Variants in ABI1 observed in about 807,000 individuals in gnomAD.
ABI1 encodes abl interactor 1.
A neutral mutation model predicts 54.6 loss-of-function variants in ABI1; 14 were observed. The observed-to-expected ratio is 0.26, with a 90% confidence interval of 0.17 to 0.40. The LOEUF (loss-of-function observed/expected upper bound fraction) is 0.40, where lower values mean the gene tolerates loss of function less well. Among genes scored for constraint, ABI1 ranks in the 10% least tolerant of loss-of-function variants. ABI1 has a pLI of 1.00. For synonymous variants in ABI1, 194 were observed against 209.3 expected (o/e 0.93, Z 0.63); for missense variants, 443 against 598.3 (o/e 0.74, Z 2.71).
In ABI1 at chr10:26,794,293, G is replaced by A. The variant is rs185929138; in HGVS notation, c.286-17052C>T. On this transcript the variant is annotated intron_variant, in intron 2 of 10. Transcript: ENST00000376140. Reference sequence around the variant, plus strand: ...ACATTAGCCAGGCATGGTGGCTCACGCCTGTAGTTCCAGCTACACAGGAGG... The same window carrying A: ...ACATTAGCCAGGCATGGTGGCTCACACCTGTAGTTCCAGCTACACAGGAGG... Among the ~76,000 whole-genome samples, 12 of 152,098 alleles carry A rather than the reference G, an allele frequency of 7.9e-5. No individual in the cohort carries two copies. In the East Asian group the frequency reaches 1.7e-3, roughly 22 times the overall value.
chr10:26,783,449 T>C (rs1842381103), intron 2 of ABI1, among the ~76,000 whole-genome samples: 1 of 152,234 alleles, frequency 6.6e-6, no homozygotes, highest in Admixed American at 6.5e-5. Flanking sequence ...ATCATATATG[T>C]ATTTTGCCAC....
intron 1 of ABI1, among the ~76,000 whole-genome samples, chr10:26,847,770 T>G (rs1464908357): frequency 6.6e-6 from 1 of 151,966 alleles, no homozygotes; most frequent in Admixed American, 6.6e-5. Flanking sequence ...AAACATAAAA[T>G]GTATATAATA....
At chr10:26,830,680 CA>C (rs930480111) in intron 1 of ABI1, among the ~76,000 whole-genome samples, 1 of 147,916 alleles carries the variant, frequency 6.8e-6, no homozygotes, top group African/African-American at 2.5e-5. Context: ...ACAGAAACAA[CA>C]TTATTTGGCA....
chr10:26,770,533 T>C, intron 4 of ABI1, 188 bp from the exon 5 acceptor site: 2 of 742,674 alleles, frequency 2.7e-6, no homozygotes, highest in Non-Finnish European at 4.9e-6. Context: ...TATTATTTTA[T>C]GCCATTTATA....
chr10:26,842,175 T>A (rs1344048159), intron 1 of ABI1, among the ~76,000 whole-genome samples: 1 of 152,240 alleles, frequency 6.6e-6, no homozygotes, highest in Non-Finnish European at 1.5e-5. Context: ...CATTTCTGCA[T>A]GGCTAATGCT....
chr10:26,790,821 C>A (rs964064188), intron 2 of ABI1, among the ~76,000 whole-genome samples: 21 of 152,068 alleles, frequency 1.4e-4, no homozygotes, highest in Admixed American at 2.6e-4. Flanking sequence ...ATAATCCCAG[C>A]CCTTTGGGAG....
At chr10:26,790,417 C>A (rs758459492) in intron 2 of ABI1, 4 of 152,030 alleles carry the variant, frequency 2.6e-5, no homozygotes, top group African/African-American at 4.8e-5. Flanking sequence ...TGATTGTTGG[C>A]CGCACATGTA....
chr10:26,748,835 C>T (rs1837241577), intron 10 of ABI1, 90 bp from the exon 11 acceptor site: 19 of 897,386 alleles, frequency 2.1e-5, no homozygotes, highest in Non-Finnish European at 3.2e-5. Context: ...ATATATAGCA[C>T]AGCAAAACTA....
intron 1 of ABI1, among the ~76,000 whole-genome samples, chr10:26,827,688 G>C (rs2048397775): frequency 6.6e-6 from 1 of 151,814 alleles, no homozygotes; most frequent in African/African-American, 2.4e-5. Flanking sequence ...TGCCTGCTGG[G>C]TTCAAGCAAT....
chr10:26,843,453 C>CAAAAAAAAAAAAAA (rs147957853), intron 1 of ABI1, among the ~76,000 whole-genome samples: 2 of 53,084 alleles, frequency 3.8e-5, no homozygotes, highest in African/African-American at 5.6e-5. Flanking sequence ...GACTCCGTCT[C>CAAAAAAAAAAAAAA]AAAAAAAAAA....
At chr10:26,777,529 C>G (rs757654416) in intron 2 of ABI1, among the ~76,000 whole-genome samples, 10 of 152,150 alleles carry the variant, frequency 6.6e-5, no homozygotes, top group Non-Finnish European at 1.3e-4. Context: ...CCTGTAATAT[C>G]AGCACTTTAG....
chr10:26,855,970 CAAAAAAAA>C (rs11369827), intron 1 of ABI1, among the ~76,000 whole-genome samples: 1 of 80,574 alleles, frequency 1.2e-5, no homozygotes, highest in African/African-American at 4.2e-5. Flanking sequence ...GACTCCATCT[CAAAAAAAA>C]AAAAAAAAAA....
chr10:26,746,606 A>AT lies in ABI1; in HGVS notation c.*1963dup. 1 of 982,594 alleles carries AT rather than the reference A, an allele frequency of 1.0e-6. No homozygotes were observed. The highest frequency in any genetic ancestry group is 1.5e-6 in the Non-Finnish European group (1 of 656,192). 60.9% of individuals were successfully genotyped at this position (982,594 alleles called of 1,614,324 possible). A position where few individuals can be genotyped will look rare whatever the true frequency, so the allele number is the denominator to read the frequency against. The stretch of plus-strand genomic sequence containing the variant: ...AAGATATCAAACTTATTGATGGGCA[A>AT]TTTATTTTTTTTTATTGCAAAAGTT... On this transcript the variant is annotated 3_prime_UTR_variant, in exon 11 of 11. Coordinates refer to ENST00000376140, the MANE Select transcript of ABI1 (RefSeq NM_001012750.3).
Position 26,860,948 on chromosome 10 carries a change from G to T in ABI1, c.-85C>A. The T allele has an allele frequency of 8.0e-7, 1 of 1,249,942 alleles. No homozygotes were observed. The highest frequency in any genetic ancestry group is 1.2e-6 in the Non-Finnish European group (1 of 858,472). The allele number at this position is 1,249,942 out of a possible 1,614,324, so 77.4% of individuals were successfully genotyped here. ...CGAGGCTCCGAGCACCTCACAGCCCGGATACAAACCGCCTACCCGCCCTCC... is the reference window on the plus strand; with the variant it reads ...CGAGGCTCCGAGCACCTCACAGCCCTGATACAAACCGCCTACCCGCCCTCC... On this transcript the variant is annotated 5_prime_UTR_variant, in exon 1 of 11. Transcript: ENST00000376140. The surrounding 1 kb of genome is among the most constrained non-coding windows in gnomAD (Gnocchi z 4.1).
At chr10:26,762,354 T>C (rs1257656053) in intron 7 of ABI1, among the ~76,000 whole-genome samples, 1 of 152,094 alleles carries the variant, frequency 6.6e-6, no homozygotes, top group Non-Finnish European at 1.5e-5. Context: ...CAGCAGAAAC[T>C]CCCATCCTCA....
intron 7 of ABI1, among the ~76,000 whole-genome samples, chr10:26,759,729 G>C (rs753617129): frequency 6.6e-6 from 1 of 151,776 alleles, no homozygotes; most frequent in Non-Finnish European, 1.5e-5. Flanking sequence ...ATAATGATAA[G>C]TCTCTATCTA....
At chr10:26,770,586 T>G (rs945992997) in intron 4 of ABI1, 2 of 676,056 alleles carry the variant, frequency 3.0e-6, no homozygotes, top group Admixed American at 3.7e-5. Context: ...GGATTTAATA[T>G]CTTATTTTAT....
intron 8 of ABI1, among the ~76,000 whole-genome samples, chr10:26,756,492 A>G (rs1019482303): frequency 2.0e-5 from 3 of 152,298 alleles, no homozygotes; most frequent in South Asian, 4.1e-4. Context: ...CTGATCTCCA[A>G]TAAGTTAAAA....
chr10:26,833,186 T>C (rs1178485887), intron 1 of ABI1, among the ~76,000 whole-genome samples: 3 of 152,176 alleles, frequency 2.0e-5, no homozygotes, highest in Non-Finnish European at 4.4e-5. Context: ...TGTCACACAG[T>C]TGTGACTGAC....
Sources: allele counts gnomAD v4.1 joint callset (sites outside exome capture counted in the v4.1 genomes callset), GRCh38; gene constraint gnomAD v4.1.1; non-coding constraint Gnocchi (gnomAD v3.1); transcripts MANE v1.5; gene names NCBI Gene and HGNC (gene_info 2026-07-23, HGNC 2026-07-21).